EGLN2: variants seen among roughly 807,000 people sequenced by gnomAD.
EGLN2 encodes the protein egl-9 family hypoxia inducible factor 2.
In EGLN2, 15 loss-of-function variants were observed where a neutral mutation model predicts 38.2. The ratio of observed to expected loss-of-function variants is 0.39; its 90% CI spans 0.26 to 0.60. The LOEUF is 0.60. Ranked by LOEUF, EGLN2 falls within the 20% of genes least tolerant of loss-of-function variation. The pLI is 0.50. For synonymous variants in EGLN2, 284 were observed against 237.4 expected (o/e 1.20, Z -1.81); for missense variants, 492 against 570.4 (o/e 0.86, Z 1.40).
intron 2 of EGLN2, among the ~76,000 whole-genome samples, chr19:40,803,884 CTT>C (rs1482231280): frequency 2.0e-5 from 3 of 152,054 alleles, no homozygotes; most frequent in African/African-American, 4.8e-5. Flanking sequence ...GCCTTTAAGT[CTT>C]TGGTCTCCTG....
In EGLN2 at chr19:40,808,092, C is replaced by T. The variant is rs1414859603; in HGVS notation, c.*228C>T. On this transcript the variant is annotated 3_prime_UTR_variant, in exon 6 of 6. Transcript: ENST00000303961. ...CTGGACAGGGGGCAGCCGTGGAGGCCACCGTTACCAACTGAAGCTGGGGGC... is the reference window on the plus strand; with the variant it reads ...CTGGACAGGGGGCAGCCGTGGAGGCTACCGTTACCAACTGAAGCTGGGGGC... 1.0e-5 allele frequency: 6 copies of T among 592,252 alleles called. No individual in the cohort carries two copies. The highest frequency in any genetic ancestry group is 1.8e-5 in the Non-Finnish European group (6 of 332,858). 36.7% of individuals were successfully genotyped at this position (592,252 alleles called of 1,614,324 possible). A position where few individuals can be genotyped will look rare whatever the true frequency, so the allele number is the denominator to read the frequency against.
Position 40,800,822 on chromosome 19 carries a change from G to C in EGLN2, c.250G>C (p.Asp84His). The C allele has an allele frequency of 6.2e-7, 1 of 1,613,300 alleles. No homozygotes were observed. The highest frequency in any genetic ancestry group is 8.5e-7 in the Non-Finnish European group (1 of 1,179,910). Residue 84 changes from aspartate to histidine, a missense_variant, in exon 2 of 6, where the codon GAT becomes CAT. Asp to His is a moderately conservative substitution (Grantham distance 81, BLOSUM62 -1). Transcript: ENST00000303961. ...TCTTCGGGACGGTTTTGGCGGGCAG[G>C]ATGGTGGTGAGCTGCGGCCGCTGCA... The part of the protein sequence containing the change: ...SPLRDGFGGQ[D>H]GGELRPLQSE...
chr19:40,802,462 T>G (rs1453606459), intron 2 of EGLN2, among the ~76,000 whole-genome samples: 1 of 152,250 alleles, frequency 6.6e-6, no homozygotes, highest in Non-Finnish European at 1.5e-5. Flanking sequence ...CTTTATGTGT[T>G]TGTTCTTAGT....
In EGLN2 at chr19:40,800,962, A is replaced by G. The variant is rs1390254691; in HGVS notation, c.390A>G (p.Ser130=). Residue 130 remains serine (S), a synonymous_variant, in exon 2 of 6, where the codon TCA becomes TCG. Coordinates refer to ENST00000303961, the MANE Select transcript of EGLN2 (RefSeq NM_080732.4). ...KWAEDGGDAP[S]PSKRPWARQE... is the part of the protein sequence containing the mutation. ...CCGAGGATGGTGGGGATGCCCCTTC[A>G]CCCAGCAAACGGCCCTGGGCCAGGC... is the stretch of plus-strand genomic sequence containing the variant. 1.2e-6 allele frequency: 2 copies of G among 1,611,350 alleles called. No individual in the cohort carries two copies. Among genetic ancestry groups the G allele is most frequent in the Non-Finnish European group, 1.7e-6 (2 of 1,179,114 alleles).
At chr19:40,801,694 A>G (rs1406700125) in intron 2 of EGLN2, among the ~76,000 whole-genome samples, 1 of 94,050 alleles carries the variant, frequency 1.1e-5, no homozygotes, top group Non-Finnish European at 2.1e-5. Flanking sequence ...TTTATTGATC[A>G]TTCTTGGGTG....
chr19:40,802,351 C>T (rs975467343), intron 2 of EGLN2, among the ~76,000 whole-genome samples: 7 of 152,128 alleles, frequency 4.6e-5, no homozygotes, highest in Non-Finnish European at 8.8e-5. Context: ...AGGTGGAGCT[C>T]ATCCCCATGT....
chr19:40,803,521 C>T (rs1421565114), intron 2 of EGLN2, among the ~76,000 whole-genome samples: 1 of 152,176 alleles, frequency 6.6e-6, no homozygotes, highest in Non-Finnish European at 1.5e-5. Context: ...TCCTGTACTC[C>T]AGAGTAAGGC....
rs376946079 is a variant in EGLN2 at position 40,807,293 on chromosome 19, G to A, written c.1100+19G>A. ...CCACCAGGTATGACCTGTACTTCTG[G>A]AGACGCACCCAGGTGCTCCCCCTGT... is the stretch of plus-strand genomic sequence containing the variant. On this transcript the variant is annotated intron_variant, in intron 4 of 5. Coordinates refer to ENST00000303961, the MANE Select transcript of EGLN2 (RefSeq NM_080732.4). 3.1e-6 allele frequency: 5 copies of A among 1,613,978 alleles called. No homozygotes were observed. In the South Asian group the frequency reaches 4.4e-5, roughly 14 times the overall value.
chr19:40,808,058 G>T lies in EGLN2; in HGVS notation c.*194G>T. 1.6e-6 allele frequency: 1 copy of T among 631,426 alleles called. No homozygotes were observed. The highest frequency in any genetic ancestry group is 1.9e-5 in the South Asian group (1 of 51,812). 39.1% of individuals were successfully genotyped at this position (631,426 alleles called of 1,614,324 possible). ...TTTGCTGCCCCATCATGGGGGCTGG[G>T]GTTGTCACCTGGACAGGGGGCAGCC... On this transcript the variant is annotated 3_prime_UTR_variant, in exon 6 of 6. Coordinates refer to ENST00000303961, the MANE Select transcript of EGLN2 (RefSeq NM_080732.4).
At chr19:40,800,183 G>A (rs2083242976) in intron 1 of EGLN2, 156 bp from the exon 2 acceptor site, 1 of 205,468 alleles carries the variant, frequency 4.9e-6, no homozygotes, top group African/African-American at 2.3e-5. Context: ...CAGATTCTCA[G>A]GGTCCTCTCC....
chr19:40,801,382 G>T lies in EGLN2; in HGVS notation c.810G>T (p.Arg270=). The part of the protein sequence containing the change: ...VDAVIRHCAG[R]LGSYVINGRT... ...CCGTCATCCGCCACTGCGCAGGGCG[G>T]CTGGGCAGCTATGTCATCAACGGGC... Residue 270 remains arginine (R), a synonymous_variant, in exon 2 of 6, where the codon CGG becomes CGT. Transcript: ENST00000303961. 6.2e-7 allele frequency: 1 copy of T among 1,608,602 alleles called. No individual in the cohort carries two copies.
intron 2 of EGLN2, among the ~76,000 whole-genome samples, chr19:40,802,808 C>T (rs2083272310): frequency 6.6e-6 from 1 of 152,226 alleles, no homozygotes; most frequent in African/African-American, 2.4e-5. Flanking sequence ...CACAGTGATG[C>T]CTGGCTGGCT....
At chr19:40,807,303 C>T in intron 4 of EGLN2, 29 bp downstream of exon 4, 3 of 1,613,664 alleles carry the variant, frequency 1.9e-6, no homozygotes, top group Non-Finnish European at 2.5e-6. Context: ...GAGACGCACC[C>T]AGGTGCTCCC....
In EGLN2 at chr19:40,807,965, C is replaced by T. The variant is rs1244065821; in HGVS notation, c.*101C>T. On this transcript the variant is annotated 3_prime_UTR_variant, in exon 6 of 6. Coordinates refer to ENST00000303961, the MANE Select transcript of EGLN2 (RefSeq NM_080732.4). ...TCCCTGCCACCGCTGCTGCTTCTGACTTTGCCTCTGTCCTGCCTGGTGTGG... is the reference window on the plus strand; with the variant it reads ...TCCCTGCCACCGCTGCTGCTTCTGATTTTGCCTCTGTCCTGCCTGGTGTGG... 4.1e-6 allele frequency: 5 copies of T among 1,220,516 alleles called. No homozygotes were observed. The Admixed American group carries it at 5.9e-5, about 14-fold the overall frequency. 75.6% of individuals were successfully genotyped at this position (1,220,516 alleles called of 1,614,324 possible). A position where few individuals can be genotyped will look rare whatever the true frequency, so the allele number is the denominator to read the frequency against.
chr19:40,800,317 T>C (rs1330678763), intron 1 of EGLN2, 22 bp from the exon 2 acceptor site: 8 of 150,760 alleles, frequency 5.3e-5, no homozygotes, highest in African/African-American at 1.9e-4. Context: ...CTCACATCCC[T>C]TTTTTTTTTT....
rs201792939 is a variant in EGLN2 at position 40,800,746 on chromosome 19, G to C, written c.174G>C (p.Ser58=). 1.2e-6 allele frequency: 2 copies of C among 1,613,714 alleles called. No individual in the cohort carries two copies. The highest frequency in any genetic ancestry group is 8.5e-7 in the Non-Finnish European group (1 of 1,179,852). ...YHCPGVPSEA[S]AGSGTPRATA... ...GTCCAGGAGTGCCTAGTGAGGCCTC[G>C]GCAGGGAGTGGGACCCCCAGAGCCA... Residue 58 remains serine, a synonymous_variant, in exon 2 of 6, where the codon TCG becomes TCC. Transcript: ENST00000303961.
At chr19:40,807,079 C>A in intron 3 of EGLN2, 59 bp from the exon 4 acceptor site, 1 of 1,601,564 alleles carries the variant, frequency 6.2e-7, no homozygotes. Context: ...CCCGGGGCAC[C>A]GTGGGAGGCA....
At position 40,806,678 on chromosome 19, in the gene EGLN2, G is replaced by GGGGTGA. The variant is rs540096608; in HGVS notation, c.963+22_963+27dup. ...GAATCAGAACTGGGACGTTAAGGTA[G>GGGGTGA]GGGTGAGGGTGAGGGTGAGGGTGGC... On this transcript the variant is annotated splice_donor_region_variant and intron_variant, in intron 3 of 5. Transcript: ENST00000303961. 8.0e-4 allele frequency: 1,292 copies of GGGGTGA among 1,613,736 alleles called. 8 individuals carry two copies. Among genetic ancestry groups the GGGGTGA allele is most frequent in the South Asian group, 4.5e-3 (408 of 91,064 alleles).
chr19:40,808,433 C>G lies in EGLN2; in HGVS notation c.*569C>G, dbSNP rs2083321596. The stretch of plus-strand genomic sequence containing the variant: ...AATAAAAGTTTACCTCAGAGCTGCA[C>G]ACATCTGACTCCATCTGCAATTTAG... On this transcript the variant is annotated 3_prime_UTR_variant, in exon 6 of 6. Coordinates refer to ENST00000303961, the MANE Select transcript of EGLN2 (RefSeq NM_080732.4). 2.7e-6 allele frequency: 1 copy of G among 377,318 alleles called. No homozygotes were observed. Among genetic ancestry groups the G allele is most frequent in the Non-Finnish European group, 4.7e-6 (1 of 211,524 alleles). 23.4% of individuals were successfully genotyped at this position (377,318 alleles called of 1,614,324 possible).
Sources: allele counts gnomAD v4.1 joint callset (sites outside exome capture counted in the v4.1 genomes callset), GRCh38; gene constraint gnomAD v4.1.1; transcripts MANE v1.5; gene names NCBI Gene and HGNC (gene_info 2026-07-23, HGNC 2026-07-21).